TNKS: variants seen among roughly 807,000 people sequenced by gnomAD.
The protein encoded by TNKS is tankyrase.
TNKS carries 72 observed loss-of-function variants against 135.8 expected under a neutral mutation model. That is an observed-to-expected ratio of 0.53 (90% confidence interval 0.44 to 0.64). The LOEUF (loss-of-function observed/expected upper bound fraction) is 0.64. Among genes scored for constraint, TNKS ranks in the 30% least tolerant of loss-of-function variants. The probability of loss-of-function intolerance (pLI) is 0.00; values close to 1 mark genes in which losing one functional copy is unlikely to be tolerated. For synonymous variants in TNKS, 849 were observed against 649.3 expected (o/e 1.31, Z -4.68); for missense variants, 1,769 against 1,674.0 (o/e 1.06, Z -0.99).
At chr8:9,710,916 T>C (rs896973374) in intron 11 of TNKS, among the ~76,000 whole-genome samples, 4 of 152,032 alleles carry the variant, frequency 2.6e-5, no homozygotes, top group Non-Finnish European at 5.9e-5. Flanking sequence ...ATTGTATGCC[T>C]TCAGATTTGT....
chr8:9,680,460 T>A (rs1802735160), intron 4 of TNKS, among the ~76,000 whole-genome samples: 1 of 152,176 alleles, frequency 6.6e-6, no homozygotes, highest in Non-Finnish European at 1.5e-5. Context: ...AAAGTTTGTT[T>A]GTAATTAAGA....
intron 26 of TNKS, among the ~76,000 whole-genome samples, chr8:9,771,671 A>AAGGG (rs1179598018): frequency 9.6e-6 from 1 of 104,206 alleles, no homozygotes; most frequent in Non-Finnish European, 1.9e-5. Flanking sequence ...GAGAGGCAGG[A>AAGGG]AGGGAGGGAG....
intron 5 of TNKS, among the ~76,000 whole-genome samples, chr8:9,694,998 A>C (rs536857266): frequency 6.6e-6 from 1 of 152,200 alleles, no homozygotes; most frequent in African/African-American, 2.4e-5. Flanking sequence ...TATCAGAGCA[A>C]GGAAACCTTT....
intron 3 of TNKS, among the ~76,000 whole-genome samples, chr8:9,659,173 C>G (rs984180017): frequency 3.3e-5 from 5 of 152,182 alleles, no homozygotes; most frequent in East Asian, 1.9e-4. Context: ...TTAGACAGAT[C>G]AAGAAGACAG....
intron 18 of TNKS, among the ~76,000 whole-genome samples, chr8:9,749,689 C>A (rs1806417681): frequency 6.6e-6 from 1 of 151,910 alleles, no homozygotes; most frequent in Admixed American, 6.6e-5. Context: ...CTATGTTGCC[C>A]AGGTTAGTCT....
chr8:9,562,728 C>T (rs998521176), intron 1 of TNKS, among the ~76,000 whole-genome samples: 45 of 152,174 alleles, frequency 3.0e-4, no homozygotes, highest in African/African-American at 9.6e-4. Flanking sequence ...ATCATTTCTT[C>T]CATACCTAAA....
intron 14 of TNKS, among the ~76,000 whole-genome samples, chr8:9,732,968 G>A (rs1315384454): frequency 6.6e-6 from 1 of 152,056 alleles, no homozygotes; most frequent in African/African-American, 2.4e-5. Flanking sequence ...TAAGCTAATT[G>A]TATTATATTT....
chr8:9,765,566 A>G (rs1283524813), intron 23 of TNKS, 126 bp from the exon 24 acceptor site: 1 of 712,316 alleles, frequency 1.4e-6, no homozygotes, highest in Non-Finnish European at 2.3e-6. Context: ...TGGTAGCTTT[A>G]TCACTTTTAA....
Position 9,778,809 on chromosome 8 carries a change from G to C in TNKS, c.*2073G>C, listed in dbSNP as rs940505220. On this transcript the variant is annotated 3_prime_UTR_variant, in exon 27 of 27. Transcript: ENST00000310430. Reference sequence around the variant, plus strand: ...GACGTAGTTTAAAATGGTAAACACAGCTGTGATTTTTAGTTAAGTAAAAGA... The same window carrying C: ...GACGTAGTTTAAAATGGTAAACACACCTGTGATTTTTAGTTAAGTAAAAGA... 6.6e-6 allele frequency: 1 copy of C among 152,174 alleles called. No individual in the cohort carries two copies. The highest frequency in any genetic ancestry group is 2.4e-5 in the African/African-American group (1 of 41,428). The allele number at this position is 152,174 out of a possible 1,614,324, so 9.4% of individuals were successfully genotyped here.
At position 9,556,956 on chromosome 8, in the gene TNKS, G is replaced by T. The variant is rs1815345243; in HGVS notation, c.673+344G>T. ...CAGCTTTAGAGTAGTTTTGTCGTTT[G>T]TGTGCTAGTTTATTTTGTTTTTACA... On this transcript the variant is annotated intron_variant, in intron 1 of 26. Transcript: ENST00000310430. 17 of 459,464 alleles carry T rather than the reference G, an allele frequency of 3.7e-5. 1 individual carries two copies. The South Asian group carries it at 6.8e-4, about 18-fold the overall frequency. The allele number at this position is 459,464 out of a possible 1,614,324, so 28.5% of individuals were successfully genotyped here. A position where few individuals can be genotyped will look rare whatever the true frequency, so the allele number is the denominator to read the frequency against.
intron 17 of TNKS, among the ~76,000 whole-genome samples, chr8:9,742,723 A>T (rs1190834655): frequency 1.3e-5 from 2 of 148,732 alleles, no homozygotes. Flanking sequence ...ATATTTAATA[A>T]ATATTTATTT....
rs767468354 is a variant in TNKS at position 9,556,290 on chromosome 8, T to A, written c.351T>A (p.Ala117=). ...CTACTTCATCTGCCGCTGGGGTCGC[T>A]CCCAACCCAGCCGGCAGTGGCAGTA... The part of the protein sequence containing the change: ...AVSTSSAAGV[A]PNPAGSGSNN... The change falls in exon 1 of 27, where the codon GCT becomes GCA. Residue 117 remains alanine (A), a synonymous_variant. Transcript: ENST00000310430. The A allele has an allele frequency of 6.2e-7, 1 of 1,614,206 alleles. No homozygotes were observed. Among genetic ancestry groups the A allele is most frequent in the Non-Finnish European group, 8.5e-7 (1 of 1,180,016 alleles).
At chr8:9,693,458 G>C (rs1803371736) in intron 5 of TNKS, among the ~76,000 whole-genome samples, 1 of 152,028 alleles carries the variant, frequency 6.6e-6, no homozygotes. Flanking sequence ...TTGTTTGGCT[G>C]GAGGGAAAAA....
chr8:9,710,068 G>A (rs375909180), intron 10 of TNKS, 22 bp downstream of exon 10: 55 of 1,611,098 alleles, frequency 3.4e-5, no homozygotes, highest in Non-Finnish European at 4.6e-5. Flanking sequence ...TGCAGAAGGA[G>A]TTGTTCAGTT....
intron 1 of TNKS, among the ~76,000 whole-genome samples, chr8:9,570,701 C>T (rs111415384): frequency 0.015 from 2,349 of 152,292 alleles, 31 homozygotes; most frequent in Non-Finnish European, 0.022. Context: ...AATGGATCTC[C>T]TGGTTGGCCA....
intron 2 of TNKS, among the ~76,000 whole-genome samples, chr8:9,603,936 A>G (rs999017451): frequency 2.4e-4 from 36 of 151,766 alleles, no homozygotes; most frequent in Admixed American, 2.4e-3. Flanking sequence ...TGAGTAGTTT[A>G]TTCAGAGGTG....
chr8:9,556,291 C>T lies in TNKS; in HGVS notation c.352C>T (p.Pro118Ser). ...VSTSSAAGVAPNPAGSGSNNS... is the reference protein window; with the variant it reads ...VSTSSAAGVASNPAGSGSNNS... ...TACTTCATCTGCCGCTGGGGTCGCT[C>T]CCAACCCAGCCGGCAGTGGCAGTAA... Residue 118 changes from proline (P) to serine (S), a missense_variant, in exon 1 of 27, where the codon CCC (proline) becomes TCC (serine). Pro to Ser is a moderately conservative substitution (Grantham distance 74). Coordinates refer to ENST00000310430, the MANE Select transcript of TNKS (RefSeq NM_003747.3). 1.2e-6 allele frequency: 2 copies of T among 1,614,258 alleles called. No individual in the cohort carries two copies. Among genetic ancestry groups the T allele is most frequent in the Non-Finnish European group, 1.7e-6 (2 of 1,180,044 alleles).
At chr8:9,696,529 T>C (rs1803522293) in intron 5 of TNKS, among the ~76,000 whole-genome samples, 1 of 152,096 alleles carries the variant, frequency 6.6e-6, no homozygotes, top group African/African-American at 2.4e-5. Context: ...ACACTATGAT[T>C]TTATTCTAAG....
At chr8:9,569,157 G>C (rs1797664508) in intron 1 of TNKS, among the ~76,000 whole-genome samples, 1 of 152,190 alleles carries the variant, frequency 6.6e-6, no homozygotes, top group African/African-American at 2.4e-5. Flanking sequence ...TGAAAGCTCA[G>C]ATTTTATCAT....
Sources: gnomAD v4.1 joint callset for allele counts (sites outside exome capture counted in the v4.1 genomes callset) on GRCh38, gnomAD v4.1.1 for gene constraint, MANE v1.5 for transcripts, NCBI Gene and HGNC (gene_info 2026-07-23, HGNC 2026-07-21) for gene names.